Variants in COG6 observed in about 807,000 individuals in gnomAD.
COG6 encodes component of oligomeric golgi complex 6.
Under a neutral mutation model 88.8 loss-of-function variants are expected in COG6, and 74 were observed. That is an observed-to-expected ratio of 0.83 (90% CI 0.69 to 1.01). The LOEUF is 1.01. COG6 is among the 50% of genes least tolerant of loss of function. The probability of loss-of-function intolerance (pLI) is 0.00; values close to 1 mark genes in which losing one functional copy is unlikely to be tolerated. For missense variants in COG6, 800 were observed against 797.9 expected (o/e 1.00, Z -0.03); for synonymous variants, 286 against 278.7 (o/e 1.03, Z -0.26).
At chr13:39,725,419 CCTGA>C (rs1365761087) in intron 17 of COG6, among the ~76,000 whole-genome samples, 2 of 151,824 alleles carry the variant, frequency 1.3e-5, no homozygotes, top group Non-Finnish European at 2.9e-5. Context: ...ACCACAATGG[CCTGA>C]CTTTCATAGA....
rs1875700931 is a variant in COG6, at chr13:39,672,332, G to A, written c.429-5136G>A. Among the ~76,000 whole-genome samples, 4 of 151,916 alleles carry A rather than the reference G, an allele frequency of 2.6e-5. No homozygotes were observed. In the South Asian group the frequency reaches 8.3e-4, roughly 32 times the overall value. The stretch of plus-strand genomic sequence containing the variant: ...TAAAATTAAAGTATATAGTTTATTG[G>A]TTTTAGTATATTCAGAGTTGTGCAA... On this transcript the variant is annotated intron_variant, in intron 4 of 18. Transcript: ENST00000455146.
Position 39,687,766 on chromosome 13 carries a change from C to A in COG6, c.976C>A (p.Leu326Ile), listed in dbSNP as rs1426259715. The A allele has an allele frequency of 2.5e-6, 4 of 1,613,802 alleles. No homozygotes were observed. Among genetic ancestry groups the A allele is most frequent in the Non-Finnish European group, 3.4e-6 (4 of 1,179,886 alleles). ...HQATASEKEH[L>I]EALLKHVTTQ... ...AGCTACTGCTTCTGAAAAGGAACACCTTGAAGCTCTCTTAAAGCATGTAAC... is the reference window on the plus strand; with the variant it reads ...AGCTACTGCTTCTGAAAAGGAACACATTGAAGCTCTCTTAAAGCATGTAAC... Residue 326 changes from leucine to isoleucine, a missense_variant, in exon 10 of 19, where the codon CTT (leucine) becomes ATT (isoleucine). Transcript: ENST00000455146.
At chr13:39,721,576 A>G (rs1878852514) in intron 15 of COG6, among the ~76,000 whole-genome samples, 1 of 152,106 alleles carries the variant, frequency 6.6e-6, no homozygotes, top group South Asian at 2.1e-4. Flanking sequence ...TTCTTGCATT[A>G]TGCTTGTCAG....
At chr13:39,691,838 T>G (rs1447138861) in intron 11 of COG6, among the ~76,000 whole-genome samples, 1 of 152,022 alleles carries the variant, frequency 6.6e-6, no homozygotes, top group African/African-American at 2.4e-5. Context: ...ATACAAAATT[T>G]CTTCTTCCTA....
intron 4 of COG6, among the ~76,000 whole-genome samples, chr13:39,670,385 T>G (rs1225745361): frequency 6.6e-6 from 1 of 152,112 alleles, no homozygotes; most frequent in Non-Finnish European, 1.5e-5. Context: ...AGAATGTTTA[T>G]GTGTGTGTAT....
chr13:39,764,185 G>A (rs1346110570), intron 18 of COG6, among the ~76,000 whole-genome samples: 1 of 151,754 alleles, frequency 6.6e-6, no homozygotes, highest in Non-Finnish European at 1.5e-5. Flanking sequence ...TTGTCATAAT[G>A]TTCTATCATT....
At chr13:39,713,391 T>C (rs1878347093) in intron 13 of COG6, among the ~76,000 whole-genome samples, 1 of 152,048 alleles carries the variant, frequency 6.6e-6, no homozygotes, top group Admixed American at 6.6e-5. Flanking sequence ...CTAAGGGAGA[T>C]TATGGTTAGT....
chr13:39,699,853 T>G lies in COG6; in HGVS notation c.1284+235T>G, dbSNP rs1019615964. ...GGAGATGGCATCTCAGGCTCCAATT[T>G]TACTACCATTTTTTTCTATCACAGA... On this transcript the variant is annotated intron_variant, in intron 13 of 18. Transcript: ENST00000455146. Among the ~76,000 whole-genome samples, 4 of 151,804 alleles carry G rather than the reference T, an allele frequency of 2.6e-5. No homozygotes were observed. In the East Asian group the frequency reaches 5.8e-4, roughly 22 times the overall value.
rs1875583537 is a variant in COG6, at chr13:39,670,764, T to G, written c.428+5610T>G. Among the ~76,000 whole-genome samples the G allele has an allele frequency of 2.0e-5, 3 of 152,200 alleles. No individual in the cohort carries two copies. In the South Asian group the frequency reaches 6.2e-4, roughly 32 times the overall value. ...CTATTTTGTGCTTAATTGCAATAGC[T>G]TTCCTCAGATGTATGATTTACTTTC... On this transcript the variant is annotated intron_variant, in intron 4 of 18. Transcript: ENST00000455146.
chr13:39,726,758 CAA>C (rs1254023341), intron 17 of COG6, among the ~76,000 whole-genome samples: 1 of 151,914 alleles, frequency 6.6e-6, no homozygotes, highest in Non-Finnish European at 1.5e-5. Flanking sequence ...CTTCCCACCT[CAA>C]GTCTTCATGC....
chr13:39,734,002 G>A (rs1879599971), intron 18 of COG6, among the ~76,000 whole-genome samples: 1 of 151,922 alleles, frequency 6.6e-6, no homozygotes, highest in African/African-American at 2.4e-5. Context: ...TATTTATTTG[G>A]ATCTTCTGGT....
chr13:39,655,756 A>G lies in COG6; in HGVS notation c.30A>G (p.Ala10=). The G allele has an allele frequency of 5.0e-6, 8 of 1,593,234 alleles. No homozygotes were observed. The highest frequency in any genetic ancestry group is 6.8e-6 in the Non-Finnish European group (8 of 1,170,084). ...CAGAGGGCAGCGGGGAAGTGGTCGC[A>G]GTGTCTGCGACCGGGGCTGCCAACG... The part of the protein sequence containing the change: MAEGSGEVV[A]VSATGAANGL... The change falls in exon 1 of 19, where the codon GCA becomes GCG. Residue 10 remains alanine (A), a synonymous_variant. Transcript: ENST00000455146.
rs538274278 is a variant in COG6 at position 39,730,453 on chromosome 13, A to T, written c.1826+2905A>T. ...TTTTCAAATCAGGATTGCTTTGAAAATATAGGGCATTTTACATATTTAAGA... is the reference window on the plus strand; with the variant it reads ...TTTTCAAATCAGGATTGCTTTGAAATTATAGGGCATTTTACATATTTAAGA... On this transcript the variant is annotated intron_variant, in intron 18 of 18. Coordinates refer to ENST00000455146, the MANE Select transcript of COG6 (RefSeq NM_020751.3). 4.6e-5 allele frequency among the ~76,000 whole-genome samples: 7 copies of T among 152,228 alleles called. No individual in the cohort carries two copies. The East Asian group carries it at 1.2e-3, about 25-fold the overall frequency.
Position 39,687,797 on chromosome 13 carries a change from A to T in COG6, c.1007A>T (p.Gln336Leu). ...GCTCTCTTAAAGCATGTAACTACAC[A>T]AGGTGGGTCCACCAATTGTATTGCT... is the stretch of plus-strand genomic sequence containing the variant. ...LEALLKHVTTQGVEENIQEVV... is the reference protein window; with the variant it reads ...LEALLKHVTTLGVEENIQEVV... The change falls in exon 10 of 19, where the codon CAA becomes CTA. Residue 336 changes from glutamine to leucine, a missense_variant and splice_region_variant. Coordinates refer to ENST00000455146, the MANE Select transcript of COG6 (RefSeq NM_020751.3). 1 of 1,609,778 alleles carries T rather than the reference A, an allele frequency of 6.2e-7. No individual in the cohort carries two copies. The highest frequency in any genetic ancestry group is 8.5e-7 in the Non-Finnish European group (1 of 1,176,238).
downstream of COG6, among the ~76,000 whole-genome samples, chr13:39,756,210 T>C (rs944245156): frequency 6.6e-6 from 1 of 152,124 alleles, no homozygotes; most frequent in Non-Finnish European, 1.5e-5. Context: ...ATAAAAATTA[T>C]GAAAAACTTA....
At chr13:39,742,574 C>G (rs1465276176) in intron 18 of COG6, among the ~76,000 whole-genome samples, 8 of 152,096 alleles carry the variant, frequency 5.3e-5, no homozygotes, top group Admixed American at 2.6e-4. Flanking sequence ...TATATATGCA[C>G]CCAATACAGG....
chr13:39,730,555 C>A (rs1165346526), intron 18 of COG6, among the ~76,000 whole-genome samples: 2 of 151,638 alleles, frequency 1.3e-5, no homozygotes, highest in African/African-American at 2.4e-5. Flanking sequence ...GCAGGCAGAT[C>A]ATGAGGTCAG....
intron 18 of COG6, among the ~76,000 whole-genome samples, chr13:39,749,946 A>G (rs1880534156): frequency 6.6e-6 from 1 of 152,132 alleles, no homozygotes; most frequent in South Asian, 2.1e-4. Context: ...CCTAGGATGG[A>G]TTGAATATTG....
intron 4 of COG6, among the ~76,000 whole-genome samples, chr13:39,666,488 A>G (rs1336971783): frequency 1.3e-5 from 2 of 152,232 alleles, no homozygotes; most frequent in Non-Finnish European, 2.9e-5. Flanking sequence ...AAATGGTTTA[A>G]TATTATGGGT....
Sources: gnomAD v4.1 joint callset for allele counts (sites outside exome capture counted in the v4.1 genomes callset) on GRCh38, gnomAD v4.1.1 for gene constraint, MANE v1.5 for transcripts, NCBI Gene and HGNC (gene_info 2026-07-23, HGNC 2026-07-21) for gene names.